Variants in RAB9A observed in about 807,000 individuals in gnomAD.
RAB9A encodes RAB9A, member RAS oncogene family.
In RAB9A, 1 loss-of-function variant was observed where a neutral mutation model predicts 10.3. The ratio of observed to expected loss-of-function variants is 0.10; its 90% CI spans 0.03 to 0.46. The LOEUF (loss-of-function observed/expected upper bound fraction) is 0.46, where lower values mean the gene tolerates loss of function less well. Among genes scored for constraint, RAB9A ranks in the 20% least tolerant of loss-of-function variants. RAB9A has a pLI of 0.96. For missense variants in RAB9A, 92 were observed against 150.3 expected (o/e 0.61, Z 2.03); for synonymous variants, 39 against 55.2 (o/e 0.71, Z 1.30).
rs375740893 is a variant in RAB9A at position 13,698,047 on chromosome X, G to A, written c.-115-5767G>A. 4.3e-4 allele frequency among the ~76,000 whole-genome samples: 48 copies of A among 111,521 alleles called. 3 individuals carry two copies. The highest frequency in any genetic ancestry group is 3.1e-3 in the Admixed American group (33 of 10,529). ...TTTCCAGTGCTCAGTAGCCACATGT[G>A]ATTAGTGGCTACCATATTGGACAGT... On this transcript the variant is annotated intron_variant, in intron 1 of 2. Coordinates refer to ENST00000464506, the MANE Select transcript of RAB9A (RefSeq NM_004251.5).
At chrX:13,701,393 A>G (rs1331148343) in intron 1 of RAB9A, among the ~76,000 whole-genome samples, 1 of 111,866 alleles carries the variant, frequency 8.9e-6, no homozygotes, top group Non-Finnish European at 1.9e-5. Context: ...GCATGGATGT[A>G]TGATGCATTT....
Position 13,709,420 on chromosome X carries a change from G to T in RAB9A, c.*68G>T. The T allele has an allele frequency of 9.3e-7, 1 of 1,081,027 alleles. No homozygotes were observed. Among genetic ancestry groups the T allele is most frequent in the Non-Finnish European group, 1.2e-6 (1 of 806,389 alleles). 89.1% of individuals were successfully genotyped at this position (1,081,027 alleles called of 1,213,427 possible). ...ACAAAATCAACATGGGGATGGAGAA[G>T]AGAATTAGCGTTTGCAGCAGTGTAT... On this transcript the variant is annotated 3_prime_UTR_variant, in exon 3 of 3. Coordinates refer to ENST00000464506, the MANE Select transcript of RAB9A (RefSeq NM_004251.5).
chrX:13,695,028 G>A (rs779325557), intron 1 of RAB9A, among the ~76,000 whole-genome samples: 51 of 111,967 alleles, frequency 4.6e-4, no homozygotes, highest in African/African-American at 1.6e-3. Context: ...GTCTGCTAGG[G>A]TAGCACAGGG....
At chrX:13,689,853 A>G (rs1379523556) in intron 1 of RAB9A, among the ~76,000 whole-genome samples, 1 of 111,894 alleles carries the variant, frequency 8.9e-6, no homozygotes, top group Non-Finnish European at 1.9e-5. Context: ...TCTGATTCAG[A>G]CGCTGGCTAA....
chrX:13,702,429 A>G (rs1441331888), intron 1 of RAB9A, among the ~76,000 whole-genome samples: 1 of 112,276 alleles, frequency 8.9e-6, no homozygotes, highest in Non-Finnish European at 1.9e-5. Context: ...ACATCACACT[A>G]GAAACCGATG....
intron 1 of RAB9A, among the ~76,000 whole-genome samples, chrX:13,694,790 T>C (rs1298058380): frequency 3.6e-5 from 4 of 111,798 alleles, no homozygotes; most frequent in Non-Finnish European, 7.5e-5. Flanking sequence ...AGTCCGTTTT[T>C]AATTCTCCAT....
chrX:13,702,097 C>T (rs926744901), intron 1 of RAB9A, among the ~76,000 whole-genome samples: 7 of 111,482 alleles, frequency 6.3e-5, no homozygotes, highest in Admixed American at 9.5e-5. Flanking sequence ...CCTCCCTGCT[C>T]CTGGGCCTCT....
intron 1 of RAB9A, among the ~76,000 whole-genome samples, chrX:13,690,558 A>C (rs2046116198): frequency 8.9e-6 from 1 of 111,804 alleles, no homozygotes; most frequent in South Asian, 3.7e-4. Flanking sequence ...GAGATAAGGG[A>C]AATAATACCT....
intron 2 of RAB9A, among the ~76,000 whole-genome samples, chrX:13,707,126 C>T (rs975171569): frequency 1.1e-4 from 12 of 112,118 alleles, no homozygotes; most frequent in African/African-American, 2.9e-4. Context: ...ATTTAAAATG[C>T]GGTTTTTCAC....
chrX:13,707,720 T>C, intron 2 of RAB9A, among the ~76,000 whole-genome samples: 1 of 112,698 alleles, frequency 8.9e-6, no homozygotes, highest in South Asian at 3.7e-4. Flanking sequence ...CCTTAAGTGT[T>C]TGAACTGCCC....
At chrX:13,706,476 A>G (rs914255844) in intron 2 of RAB9A, among the ~76,000 whole-genome samples, 5 of 110,289 alleles carry the variant, frequency 4.5e-5, no homozygotes, top group Non-Finnish European at 7.6e-5. Flanking sequence ...ACGGCAACCT[A>G]CGCCTCCCAG....
At chrX:13,691,886 A>G (rs945925449) in intron 1 of RAB9A, among the ~76,000 whole-genome samples, 1 of 109,988 alleles carries the variant, frequency 9.1e-6, no homozygotes, top group Non-Finnish European at 1.9e-5. Flanking sequence ...AACCTTCCTG[A>G]AGCTTACAGT....
intron 2 of RAB9A, 55 bp downstream of exon 2, chrX:13,703,957 G>A (rs899119116): frequency 8.9e-6 from 1 of 111,927 alleles, no homozygotes; most frequent in African/African-American, 3.3e-5. Context: ...TAAATTGCTC[G>A]TCCATGGGGC....
intron 1 of RAB9A, among the ~76,000 whole-genome samples, chrX:13,692,467 T>G (rs1306007900): frequency 1.8e-5 from 2 of 112,460 alleles, no homozygotes; most frequent in Admixed American, 9.4e-5. Context: ...TTTACAAGAA[T>G]CAAATTGAGA....
chrX:13,690,597 C>T (rs917003861), intron 1 of RAB9A, among the ~76,000 whole-genome samples: 2 of 111,663 alleles, frequency 1.8e-5, no homozygotes, highest in African/African-American at 3.3e-5. Flanking sequence ...TCCAACCTCT[C>T]TCATCTCTTT....
At chrX:13,691,638 C>T (rs760098959) in intron 1 of RAB9A, among the ~76,000 whole-genome samples, 2 of 63,565 alleles carry the variant, frequency 3.1e-5, no homozygotes, top group Non-Finnish European at 5.3e-5. Context: ...CCAGCCTGGG[C>T]AACAGAATGA....
At position 13,703,421 on chromosome X, in the gene RAB9A, T is replaced by C. The variant is rs149364204; in HGVS notation, c.-115-393T>C. On this transcript the variant is annotated intron_variant, in intron 1 of 2. Transcript: ENST00000464506. ...ATACTGGGCTCAAGGCTAGCTGCTG[T>C]TGTTGTTGTTTCATCTTCAACCCCA... 1.3e-3 allele frequency among the ~76,000 whole-genome samples: 148 copies of C among 112,488 alleles called. No individual in the cohort carries two copies. In the East Asian group the frequency reaches 0.019, roughly 14 times the overall value.
intron 1 of RAB9A, among the ~76,000 whole-genome samples, chrX:13,695,815 A>C (rs1227655865): frequency 9.0e-6 from 1 of 111,526 alleles, no homozygotes; most frequent in Non-Finnish European, 1.9e-5. Context: ...GAAACAGGTA[A>C]GGGTTTCAGT....
chrX:13,693,145 A>G (rs142728255), intron 1 of RAB9A, among the ~76,000 whole-genome samples: 3,455 of 104,276 alleles, frequency 0.033, 121 homozygotes, highest in African/African-American at 0.11. Context: ...GCAGCAAATT[A>G]TTAGCTTCCA....
Sources: allele counts gnomAD v4.1 joint callset (sites outside exome capture counted in the v4.1 genomes callset), GRCh38; gene constraint gnomAD v4.1.1; transcripts MANE v1.5; gene names NCBI Gene and HGNC (gene_info 2026-07-23, HGNC 2026-07-21).